The following TSG101 variants were observed in gnomAD, a reference collection of about 807,000 sequenced individuals.
TSG101 encodes the protein tumor susceptibility 101.
In TSG101, 19 loss-of-function variants were observed where a neutral mutation model predicts 48.5. The observed-to-expected ratio is 0.39, with a 90% CI of 0.27 to 0.58. The LOEUF (loss-of-function observed/expected upper bound fraction) is 0.58, where lower values mean the gene tolerates loss of function less well. TSG101 is among the 20% of genes least tolerant of loss of function. TSG101 has a pLI of 0.55. For missense variants in TSG101, 365 were observed against 484.4 expected (o/e 0.75, Z 2.31); for synonymous variants, 174 against 169.4 (o/e 1.03, Z -0.21).
chr11:18,498,580 T>A (rs568450647), intron 7 of TSG101, among the ~76,000 whole-genome samples: 4 of 152,252 alleles, frequency 2.6e-5, no homozygotes, highest in African/African-American at 9.6e-5. Context: ...TTAGGAAGAT[T>A]GAGAATTCGG....
At chr11:18,487,505 A>G (rs1428961485) in intron 7 of TSG101, among the ~76,000 whole-genome samples, 1 of 152,172 alleles carries the variant, frequency 6.6e-6, no homozygotes, top group African/African-American at 2.4e-5. Context: ...CAAGGAAGAA[A>G]AAACATTAGA....
At chr11:18,493,780 C>G (rs1409920475) in intron 7 of TSG101, among the ~76,000 whole-genome samples, 1 of 152,200 alleles carries the variant, frequency 6.6e-6, no homozygotes, top group Non-Finnish European at 1.5e-5. Flanking sequence ...ACTGTATGAG[C>G]AAAGGAGTTC....
At chr11:18,526,682 G>C in intron 1 of TSG101, 93 bp downstream of exon 1, 1 of 1,475,818 alleles carries the variant, frequency 6.8e-7, no homozygotes, top group Non-Finnish European at 9.1e-7. Flanking sequence ...CGGCCCGTCT[G>C]GGAAGCTTGC....
At chr11:18,505,090 T>C (rs1026393840) in intron 6 of TSG101, among the ~76,000 whole-genome samples, 1 of 152,212 alleles carries the variant, frequency 6.6e-6, no homozygotes, top group African/African-American at 2.4e-5. Flanking sequence ...AGATATTATA[T>C]ATGTACATAT....
chr11:18,489,506 T>C (rs1849668734), intron 7 of TSG101, among the ~76,000 whole-genome samples: 1 of 152,228 alleles, frequency 6.6e-6, no homozygotes, highest in African/African-American at 2.4e-5. Flanking sequence ...ATTCCATTAT[T>C]GAAGCACAAG....
chr11:18,499,702 T>C (rs1261798396), intron 7 of TSG101, among the ~76,000 whole-genome samples: 10 of 151,726 alleles, frequency 6.6e-5, no homozygotes, highest in African/African-American at 2.4e-4. Context: ...TGAGCCACTG[T>C]GCCTGGCCTA....
intron 4 of TSG101, among the ~76,000 whole-genome samples, chr11:18,513,063 T>TA (rs1369932398): frequency 6.6e-6 from 1 of 152,002 alleles, no homozygotes; most frequent in African/African-American, 2.4e-5. Context: ...ATTCTACCTC[T>TA]AAGTTCTCCC....
At chr11:18,481,054 G>T (rs749666716) in intron 9 of TSG101, among the ~76,000 whole-genome samples, 12 of 152,168 alleles carry the variant, frequency 7.9e-5, no homozygotes, top group South Asian at 2.1e-4. Flanking sequence ...GCTACAGCTG[G>T]ATCAGATATC....
intron 5 of TSG101, chr11:18,507,690 T>C (rs1849998099): frequency 6.6e-6 from 1 of 152,180 alleles, no homozygotes; most frequent in African/African-American, 2.4e-5. Flanking sequence ...GTGTTTAACA[T>C]GACTTACAGT....
intron 7 of TSG101, among the ~76,000 whole-genome samples, chr11:18,492,601 A>G (rs1590273509): frequency 6.6e-6 from 1 of 152,138 alleles, no homozygotes; most frequent in Non-Finnish European, 1.5e-5. Context: ...AAAGTCATTA[A>G]CCCTCAAAAT....
intron 6 of TSG101, among the ~76,000 whole-genome samples, chr11:18,505,878 C>T (rs532846837): frequency 2.0e-5 from 3 of 152,100 alleles, no homozygotes; most frequent in Non-Finnish European, 4.4e-5. Context: ...AGTGTAATGG[C>T]GCGATCTCGG....
intron 9 of TSG101, 102 bp from the exon 10 acceptor site, chr11:18,480,737 T>C (rs915829191): frequency 9.5e-7 from 1 of 1,047,560 alleles, no homozygotes. Flanking sequence ...GAACCCTAAC[T>C]CATGACCTGC....
chr11:18,506,353 A>G (rs1849971156), intron 6 of TSG101, among the ~76,000 whole-genome samples: 1 of 150,338 alleles, frequency 6.7e-6, no homozygotes, highest in African/African-American at 2.4e-5. Flanking sequence ...TAATGAATTC[A>G]GCCAAGGGGA....
At chr11:18,526,704 G>A in intron 1 of TSG101, 71 bp downstream of exon 1, 10 of 1,551,264 alleles carry the variant, frequency 6.4e-6, no homozygotes, top group Middle Eastern at 1.8e-4. Context: ...TGGCTGGGCC[G>A]GGACGGACTC....
At position 18,522,652 on chromosome 11, in the gene TSG101, C is replaced by G. The variant is rs1047192444; in HGVS notation, c.43-3049G>C. Reference sequence around the variant, plus strand: ...ATTGCTAACAGCTGAAACACAGCAACGGCTTTTCATCATACTCCAAGTAAA... The same window carrying G: ...ATTGCTAACAGCTGAAACACAGCAAGGGCTTTTCATCATACTCCAAGTAAA... On this transcript the variant is annotated intron_variant, in intron 1 of 9. Transcript: ENST00000251968. Among the ~76,000 whole-genome samples, 5 of 152,186 alleles carry G rather than the reference C, an allele frequency of 3.3e-5. No homozygotes were observed. In the East Asian group the frequency reaches 9.6e-4, roughly 29 times the overall value.
rs1849510517 is a variant in TSG101 at position 18,480,445 on chromosome 11, C to T, written c.*101G>A. On this transcript the variant is annotated 3_prime_UTR_variant, in exon 10 of 10. Coordinates refer to ENST00000251968, the MANE Select transcript of TSG101 (RefSeq NM_006292.4). ...TATTATTGATTCAAAATATTTTACA[C>T]TTGAATGATAAACTGCAATAACTTA... is the stretch of plus-strand genomic sequence containing the variant. 4 of 856,660 alleles carry T rather than the reference C, an allele frequency of 4.7e-6. No individual in the cohort carries two copies. The highest frequency in any genetic ancestry group is 1.7e-5 in the African/African-American group (1 of 58,202). 53.1% of individuals were successfully genotyped at this position (856,660 alleles called of 1,614,324 possible).
At chr11:18,500,844 C>T (rs899743328) in intron 7 of TSG101, among the ~76,000 whole-genome samples, 4 of 151,502 alleles carry the variant, frequency 2.6e-5, no homozygotes, top group Admixed American at 6.6e-5. Context: ...CGCTCTGTTG[C>T]CCAGGGTGGA....
chr11:18,520,780 C>A (rs1005492727), intron 1 of TSG101, among the ~76,000 whole-genome samples: 1 of 152,108 alleles, frequency 6.6e-6, no homozygotes, highest in African/African-American at 2.4e-5. Context: ...CACTTGTAAT[C>A]CTAGCATTTT....
chr11:18,485,034 G>A lies in TSG101; in HGVS notation c.641-962C>T, dbSNP rs541057665. 8.3e-5 allele frequency among the ~76,000 whole-genome samples: 12 copies of A among 144,968 alleles called. No homozygotes were observed. The South Asian group carries it at 2.4e-3, about 29-fold the overall frequency. ...GCTCACTGCAACCTCTGCCTCCTGA[G>A]TTCAAGCGATTCTCCTGCCTCAGCC... On this transcript the variant is annotated intron_variant, in intron 7 of 9. Transcript: ENST00000251968.
Sources: gnomAD v4.1 joint callset for allele counts (sites outside exome capture counted in the v4.1 genomes callset) on GRCh38, gnomAD v4.1.1 for gene constraint, MANE v1.5 for transcripts, NCBI Gene and HGNC (gene_info 2026-07-23, HGNC 2026-07-21) for gene names.